DOP1B: variants seen among roughly 807,000 people sequenced by gnomAD.
DOP1B encodes the protein protein DOP1B.
In DOP1B, 174 loss-of-function variants were observed where a neutral mutation model predicts 233.5. The observed-to-expected ratio is 0.75, with a 90% CI of 0.66 to 0.85. DOP1B has a LOEUF of 0.85. Among genes scored for constraint, DOP1B ranks in the 40% least tolerant of loss-of-function variants. DOP1B has a pLI of 0.00. For synonymous variants in DOP1B, 1,190 were observed against 1,185.6 expected, an observed-to-expected ratio of 1.00 and a Z score of -0.08; for missense variants, 2,652 against 2,846.6, an observed-to-expected ratio of 0.93 and a Z score of 1.56.
intron 23 of DOP1B, among the ~76,000 whole-genome samples, chr21:36,257,323 G>A (rs577352488): frequency 6.6e-6 from 1 of 152,286 alleles, no homozygotes; most frequent in African/African-American, 2.4e-5. Context: ...ATGGACAACC[G>A]TGTCGAAGTG....
rs373716787 is a variant in DOP1B, at chr21:36,255,529, C to T, written c.5259+1620C>T. 4.0e-5 allele frequency among the ~76,000 whole-genome samples: 6 copies of T among 151,890 alleles called. No individual in the cohort carries two copies. In the East Asian group the frequency reaches 5.8e-4, roughly 15 times the overall value. ...GCACAATCACAGCTCACCATAGCCT[C>T]GACCTCCCCAGGCTCAAATGATCTT... On this transcript the variant is annotated intron_variant, in intron 23 of 36. Transcript: ENST00000691173.
intron 4 of DOP1B, among the ~76,000 whole-genome samples, chr21:36,203,793 T>C (rs965176450): frequency 2.0e-5 from 3 of 152,130 alleles, no homozygotes; most frequent in African/African-American, 7.2e-5. Context: ...ATGAAACTTT[T>C]GGCCCCTGTT....
chr21:36,187,223 T>TC (rs1197507482), intron 2 of DOP1B, among the ~76,000 whole-genome samples: 2 of 117,424 alleles, frequency 1.7e-5, no homozygotes, highest in Non-Finnish European at 1.7e-5. Context: ...TCCTCTCCCC[T>TC]CCCTTCCCGG....
intron 24 of DOP1B, among the ~76,000 whole-genome samples, chr21:36,262,074 C>A (rs1377678761): frequency 1.3e-5 from 2 of 152,184 alleles, no homozygotes; most frequent in Non-Finnish European, 1.5e-5. Context: ...CCACTCACCA[C>A]ATTCTGAAGT....
intron 6 of DOP1B, 117 bp from the exon 7 acceptor site, chr21:36,211,857 G>C (rs557499660): frequency 6.7e-7 from 1 of 1,493,520 alleles, no homozygotes; most frequent in African/African-American, 1.4e-5. Flanking sequence ...TAATGTGTAA[G>C]GAACCAGCCC....
intron 23 of DOP1B, among the ~76,000 whole-genome samples, chr21:36,259,801 AC>A (rs1746916929): frequency 6.6e-6 from 1 of 152,184 alleles, no homozygotes; most frequent in Non-Finnish European, 1.5e-5. Flanking sequence ...CTATAAAGGA[AC>A]CGGATTTTAT....
At chr21:36,189,840 C>T (rs1001788520) in intron 2 of DOP1B, among the ~76,000 whole-genome samples, 6 of 150,960 alleles carry the variant, frequency 4.0e-5, no homozygotes, top group African/African-American at 1.5e-4. Context: ...GAAACCCTGT[C>T]TCTACTAAAA....
intron 9 of DOP1B, among the ~76,000 whole-genome samples, chr21:36,215,849 C>T (rs1407962200): frequency 8.1e-6 from 1 of 123,678 alleles, no homozygotes; most frequent in Non-Finnish European, 1.7e-5. Context: ...CCCATCTCTA[C>T]TAAAAATACA....
Position 36,224,952 on chromosome 21 carries a change from C to T in DOP1B, c.1371-613C>T, listed in dbSNP as rs188773299. On this transcript the variant is annotated intron_variant, in intron 11 of 36. Transcript: ENST00000691173. Reference sequence around the variant, plus strand: ...CCAGCCCAGCCTCGTTCCCTTGGATCGTGCTTTTGGGCTTGGACTGGGGAC... The same window carrying T: ...CCAGCCCAGCCTCGTTCCCTTGGATTGTGCTTTTGGGCTTGGACTGGGGAC... Among the ~76,000 whole-genome samples, 147 of 152,006 alleles carry T rather than the reference C, an allele frequency of 9.7e-4. 1 individual carries two copies. Among genetic ancestry groups the T allele is most frequent in the South Asian group, 2.7e-3 (13 of 4,798 alleles).
intron 23 of DOP1B, among the ~76,000 whole-genome samples, chr21:36,256,917 A>G (rs899622956): frequency 3.9e-5 from 6 of 152,012 alleles, no homozygotes; most frequent in African/African-American, 1.5e-4. Flanking sequence ...TTCAATTCCT[A>G]CTCTATCTGC....
chr21:36,215,593 C>T (rs2066550103), intron 9 of DOP1B, among the ~76,000 whole-genome samples: 1 of 151,704 alleles, frequency 6.6e-6, no homozygotes, highest in African/African-American at 2.4e-5. Flanking sequence ...TCAGTAGAGA[C>T]AGGGTTTCAT....
intron 26 of DOP1B, 29 bp from the exon 27 acceptor site, chr21:36,269,984 C>T: frequency 6.2e-7 from 1 of 1,612,522 alleles, no homozygotes; most frequent in South Asian, 1.1e-5. Flanking sequence ...TAATTAACTT[C>T]CTTTCCCCCT....
At chr21:36,162,845 C>T (rs1386196729) in intron 1 of DOP1B, among the ~76,000 whole-genome samples, 1 of 151,974 alleles carries the variant, frequency 6.6e-6, no homozygotes, top group Non-Finnish European at 1.5e-5. Context: ...CATGCCCAGC[C>T]GCCAGGGAAT....
At chr21:36,211,808 C>T (rs546890346) in intron 6 of DOP1B, among the ~76,000 whole-genome samples, 157 bp downstream of exon 6, 1 of 152,218 alleles carries the variant, frequency 6.6e-6, no homozygotes, top group South Asian at 2.1e-4. Flanking sequence ...GCAAGGATAG[C>T]GTTTTCATTG....
intron 4 of DOP1B, among the ~76,000 whole-genome samples, chr21:36,200,839 GA>G (rs67599618): frequency 0.063 from 8,402 of 134,174 alleles, 266 homozygotes; most frequent in African/African-American, 0.1. Context: ...ACTCTGTCTC[GA>G]AAAAAAAAAA....
At chr21:36,269,369 G>A (rs2067262050) in intron 26 of DOP1B, among the ~76,000 whole-genome samples, 1 of 151,360 alleles carries the variant, frequency 6.6e-6, no homozygotes, top group African/African-American at 2.4e-5. Flanking sequence ...TGGTCAGGCT[G>A]GTCTCAAACG....
At chr21:36,219,986 T>C (rs2066607061) in intron 10 of DOP1B, among the ~76,000 whole-genome samples, 1 of 151,892 alleles carries the variant, frequency 6.6e-6, no homozygotes, top group Non-Finnish European at 1.5e-5. Flanking sequence ...GAGCACAGGC[T>C]CCATTCCCCC....
intron 2 of DOP1B, among the ~76,000 whole-genome samples, chr21:36,172,866 C>A (rs557731138): frequency 1.3e-5 from 2 of 152,294 alleles, no homozygotes; most frequent in East Asian, 3.9e-4. Context: ...CCCCTGTAAT[C>A]CCAGCACTTT....
intron 26 of DOP1B, among the ~76,000 whole-genome samples, chr21:36,268,160 C>T (rs563202884): frequency 1.3e-4 from 20 of 152,156 alleles, no homozygotes; most frequent in African/African-American, 4.6e-4. Context: ...GAGACCAGGG[C>T]GTATCTCAGT....
Sources: allele counts gnomAD v4.1 joint callset (sites outside exome capture counted in the v4.1 genomes callset), GRCh38; gene constraint gnomAD v4.1.1; transcripts MANE v1.5; gene names NCBI Gene and HGNC (gene_info 2026-07-23, HGNC 2026-07-21).